The following TCERG1L variants were observed in gnomAD, a reference collection of about 807,000 sequenced individuals.
TCERG1L encodes the protein transcription elongation regulator 1 like, also known as transcription elongation regulator 1-like protein.
In TCERG1L, 37 loss-of-function variants were observed where a neutral mutation model predicts 56.3. The observed-to-expected ratio is 0.66, with a 90% confidence interval of 0.51 to 0.87. TCERG1L has a LOEUF of 0.87. Among genes scored for constraint, TCERG1L ranks in the 40% least tolerant of loss-of-function variants. The pLI, the probability that TCERG1L is intolerant of heterozygous loss-of-function variation, is 0.00. For synonymous variants in TCERG1L, 324 were observed against 326.3 expected, an observed-to-expected ratio of 0.99 and a Z score of 0.08; for missense variants, 799 against 774.2, an observed-to-expected ratio of 1.03 and a Z score of -0.38.
At chr10:131,295,660 C>G (rs754699789) in intron 3 of TCERG1L, among the ~76,000 whole-genome samples, 1 of 152,210 alleles carries the variant, frequency 6.6e-6, no homozygotes, top group Non-Finnish European at 1.5e-5. Context: ...CATATGAAGT[C>G]TAGTGACCAG....
intron 7 of TCERG1L, among the ~76,000 whole-genome samples, chr10:131,135,645 T>A (rs1222652728): frequency 6.6e-6 from 1 of 152,188 alleles, no homozygotes; most frequent in Non-Finnish European, 1.5e-5. Context: ...ATCATCCTTG[T>A]GGGGCCTCCG....
chr10:131,300,743 T>C (rs187677039), intron 3 of TCERG1L, among the ~76,000 whole-genome samples: 5 of 152,336 alleles, frequency 3.3e-5, no homozygotes, highest in Admixed American at 2.6e-4. Flanking sequence ...CAATAGTTTA[T>C]CACTTCTTGC....
intron 3 of TCERG1L, among the ~76,000 whole-genome samples, chr10:131,292,579 T>G (rs972179025): frequency 9.9e-5 from 15 of 152,238 alleles, no homozygotes; most frequent in African/African-American, 3.6e-4. Flanking sequence ...TATTCCATGT[T>G]TGGAAACAAG....
At chr10:131,132,289 A>C (rs1021947595) in intron 8 of TCERG1L, among the ~76,000 whole-genome samples, 1 of 152,236 alleles carries the variant, frequency 6.6e-6, no homozygotes, top group East Asian at 1.9e-4. Context: ...CTCCCACGGA[A>C]TCTTCAAGGC....
chr10:131,095,303 G>T (rs1221728591), intron 11 of TCERG1L: 1 of 152,064 alleles, frequency 6.6e-6, no homozygotes, highest in Non-Finnish European at 1.5e-5. Context: ...GTCCCCGGTA[G>T]CTGCTCTCCC....
At chr10:131,154,251 T>C (rs187579495) in intron 6 of TCERG1L, among the ~76,000 whole-genome samples, 30 of 152,280 alleles carry the variant, frequency 2.0e-4, no homozygotes, top group Admixed American at 9.2e-4. Flanking sequence ...CTGGGTTTCA[T>C]TGAATGAACA....
chr10:131,145,246 T>C (rs1350630499), intron 7 of TCERG1L, among the ~76,000 whole-genome samples: 1 of 152,228 alleles, frequency 6.6e-6, no homozygotes, highest in African/African-American at 2.4e-5. Context: ...TTCTTGTCCA[T>C]GAGTAAGAAC....
At chr10:131,241,171 G>A (rs76258830) in intron 4 of TCERG1L, among the ~76,000 whole-genome samples, 3 of 150,518 alleles carry the variant, frequency 2.0e-5, no homozygotes, top group Admixed American at 1.3e-4. Context: ...GGAGCCGCCC[G>A]CACGCAGAAT....
chr10:131,100,675 C>T (rs1845296168), intron 10 of TCERG1L, among the ~76,000 whole-genome samples: 1 of 152,224 alleles, frequency 6.6e-6, no homozygotes, highest in South Asian at 2.1e-4. Context: ...CCCTCTTCTC[C>T]TGTGCAGCTC....
chr10:131,095,417 A>C (rs1268027774), intron 11 of TCERG1L: 2 of 152,288 alleles, frequency 1.3e-5, no homozygotes, highest in East Asian at 3.9e-4. Flanking sequence ...GAGACGGGCG[A>C]CCAGGACGGG....
intron 1 of TCERG1L, among the ~76,000 whole-genome samples, chr10:131,310,773 T>C (rs971515054): frequency 6.6e-6 from 1 of 152,254 alleles, no homozygotes; most frequent in African/African-American, 2.4e-5. Context: ...TCCCGGCCAC[T>C]TCCGTCGGTT....
chr10:131,153,888 G>A (rs1845892416), intron 6 of TCERG1L, among the ~76,000 whole-genome samples: 1 of 152,188 alleles, frequency 6.6e-6, no homozygotes, highest in Non-Finnish European at 1.5e-5. Context: ...CAGCTCCTGA[G>A]CCCTGGGGAA....
chr10:131,308,448 G>A (rs2133588903), intron 2 of TCERG1L, 57 bp from the exon 3 acceptor site: 1 of 1,443,486 alleles, frequency 6.9e-7, no homozygotes, highest in African/African-American at 1.4e-5. Context: ...TAAAAGCTGA[G>A]CATGACCATG....
intron 8 of TCERG1L, among the ~76,000 whole-genome samples, chr10:131,122,323 T>G (rs1406112191): frequency 6.6e-6 from 1 of 152,170 alleles, no homozygotes; most frequent in African/African-American, 2.4e-5. Flanking sequence ...GGGGCTGGCG[T>G]GTCAGGAAAC....
intron 6 of TCERG1L, among the ~76,000 whole-genome samples, chr10:131,151,056 A>C (rs1414513150): frequency 6.6e-6 from 1 of 152,174 alleles, no homozygotes; most frequent in Non-Finnish European, 1.5e-5. Flanking sequence ...ACCTGGTCCC[A>C]CCCTTGACAC....
At chr10:131,144,850 G>C (rs945646962) in intron 7 of TCERG1L, among the ~76,000 whole-genome samples, 1 of 152,184 alleles carries the variant, frequency 6.6e-6, no homozygotes, top group Non-Finnish European at 1.5e-5. Context: ...GGAGCATCGA[G>C]CTATGAGCCA....
chr10:131,262,862 C>G (rs958894912), intron 3 of TCERG1L, among the ~76,000 whole-genome samples: 1 of 152,094 alleles, frequency 6.6e-6, no homozygotes, highest in African/African-American at 2.4e-5. Flanking sequence ...AGCCGCTGAT[C>G]TTTCTATGGC....
intron 4 of TCERG1L, among the ~76,000 whole-genome samples, chr10:131,183,722 C>A (rs530494068): frequency 6.6e-6 from 1 of 152,358 alleles, no homozygotes; most frequent in South Asian, 2.1e-4. Flanking sequence ...AGGGCCCAGG[C>A]TCTCTGGACA....
At chr10:131,153,825 C>G (rs1845891747) in intron 6 of TCERG1L, among the ~76,000 whole-genome samples, 1 of 152,150 alleles carries the variant, frequency 6.6e-6, no homozygotes, top group South Asian at 2.1e-4. Context: ...CAGGAGGAGG[C>G]CGAGTGACGG....
Sources: allele counts gnomAD v4.1 joint callset (sites outside exome capture counted in the v4.1 genomes callset), GRCh38; gene constraint gnomAD v4.1.1; transcripts MANE v1.5; gene names NCBI Gene and HGNC (gene_info 2026-07-23, HGNC 2026-07-21).